MUC5B: variants seen among roughly 807,000 people sequenced by gnomAD.
MUC5B encodes the protein mucin-5B.
In MUC5B, 116 loss-of-function variants were observed where a neutral mutation model predicts 376.9. The observed-to-expected ratio is 0.31, with a 90% CI of 0.26 to 0.36. The LOEUF is 0.36. MUC5B is among the 10% of genes least tolerant of loss of function. The pLI is 1.00. For missense variants in MUC5B, 7,165 were observed against 7,769.9 expected, an observed-to-expected ratio of 0.92 and a Z score of 2.93; for synonymous variants, 3,517 against 3,390.9, an observed-to-expected ratio of 1.04 and a Z score of -1.29.
At chr11:1,230,390 A>G in intron 11 of MUC5B, 100 bp from the exon 12 acceptor site, 2 of 1,244,578 alleles carry the variant, frequency 1.6e-6, no homozygotes, top group Non-Finnish European at 2.2e-6. Flanking sequence ...CCACCTCCCC[A>G]CAGAGCCACA....
At chr11:1,240,828 C>A (rs1862263769) in intron 30 of MUC5B, 23 bp from the exon 31 acceptor site, 2 of 1,584,172 alleles carry the variant, frequency 1.3e-6, no homozygotes, top group East Asian at 4.5e-5. Context: ...TGAGCCAGGA[C>A]CCCTTTCCCA....
In MUC5B at chr11:1,247,505, C is replaced by T; in HGVS notation, c.10625C>T (p.Thr3542Ile). ...AGGGGCACCTCCAGGACCACAGCCA[C>T]AGCCACACCCAGCAAGACCCGCACC... Reference protein sequence around the residue: ...HTRGTSRTTATATPSKTRTST... With the variant: ...HTRGTSRTTAIATPSKTRTST... Residue 3542 changes from threonine to isoleucine, a missense_variant, in exon 31 of 49, where the codon ACA becomes ATA. Transcript: ENST00000529681. 7 of 1,608,612 alleles carry T rather than the reference C, an allele frequency of 4.4e-6. No individual in the cohort carries two copies. Among genetic ancestry groups the T allele is most frequent in the Non-Finnish European group, 5.9e-6 (7 of 1,177,758 alleles).
At position 1,235,581 on chromosome 11, in the gene MUC5B, A is replaced by T. The variant is rs1016061501; in HGVS notation, c.2880+168A>T. On this transcript the variant is annotated intron_variant, in intron 23 of 48. Coordinates refer to ENST00000529681, the MANE Select transcript of MUC5B (RefSeq NM_002458.3). ...CAGGGGGCTTAGACAACAGAAATGC[A>T]TTCTCAGTCCTGGAGCCGGAAGTCA... 50 of 638,096 alleles carry T rather than the reference A, an allele frequency of 7.8e-5. 2 individuals carry two copies. In the East Asian group the frequency reaches 1.1e-3, roughly 14 times the overall value. The allele number at this position is 638,096 out of a possible 1,614,324, so 39.5% of individuals were successfully genotyped here.
In MUC5B at chr11:1,254,254, C is replaced by T; in HGVS notation, c.15380C>T (p.Ala5127Val). The T allele has an allele frequency of 1.2e-6, 2 of 1,612,204 alleles. No homozygotes were observed. Among genetic ancestry groups the T allele is most frequent in the Non-Finnish European group, 1.7e-6 (2 of 1,179,842 alleles). Residue 5127 changes from alanine (A) to valine (V), a missense_variant, in exon 34 of 49, where the codon GCC becomes GTC. By Grantham distance (64) the Ala-to-Val change is moderately conservative. This residue lies in a region of MUC5B where 842 missense variants were observed against 1,016.9 expected (regional missense o/e 0.83). Transcript: ENST00000529681. The part of the protein sequence containing the change: ...DNHYCTASAT[A>V]AAARCPRALS... ...CACTACTGCACGGCCTCTGCCACTG[C>T]CGCTGCCGCCCGCTGCCCCCGCGCC...
rs1380729993 is a variant in MUC5B at position 1,242,918 on chromosome 11, C to A, written c.6038C>A (p.Thr2013Asn). The A allele has an allele frequency of 6.2e-7, 1 of 1,613,182 alleles. No individual in the cohort carries two copies. Among genetic ancestry groups the A allele is most frequent in the Non-Finnish European group, 8.5e-7 (1 of 1,179,340 alleles). Reference protein sequence around the residue: ...ATMSTATPSSTPETAHTSTVL... With the variant: ...ATMSTATPSSNPETAHTSTVL... Reference sequence around the variant, plus strand: ...ATGTCCACAGCCACACCCTCCTCCACTCCAGAGACTGCCCACACCTCCACA... The same window carrying A: ...ATGTCCACAGCCACACCCTCCTCCAATCCAGAGACTGCCCACACCTCCACA... The change falls in exon 31 of 49, where the codon ACT becomes AAT. Residue 2013 changes from threonine to asparagine, a missense_variant. By Grantham distance (65) the Thr-to-Asn change is moderately conservative (BLOSUM62 0). Coordinates refer to ENST00000529681, the MANE Select transcript of MUC5B (RefSeq NM_002458.3).
intron 1 of MUC5B, 63 bp downstream of exon 1, chr11:1,223,256 G>A (rs760720148): frequency 1.6e-4 from 111 of 701,002 alleles, no homozygotes; most frequent in South Asian, 1.2e-3. Context: ...TCTGCAGGTC[G>A]CTTGCCTGGG....
Position 1,226,663 on chromosome 11 carries a change from T to C in MUC5B, c.248T>C (p.Phe83Ser). 1 of 1,612,218 alleles carries C rather than the reference T, an allele frequency of 6.2e-7. No homozygotes were observed. The highest frequency in any genetic ancestry group is 8.5e-7 in the Non-Finnish European group (1 of 1,179,608). The change falls in exon 4 of 49, where the codon TTC (phenylalanine) becomes TCC (serine). Residue 83 changes from phenylalanine to serine, a missense_variant. This residue lies in a region of MUC5B where 640 missense variants were observed against 733.0 expected (regional missense o/e 0.87). Transcript: ENST00000529681. ...NGRVCSTWGD[F>S]HYKTFDGDVF... ...CGGGTGTGCAGCACCTGGGGTGACT[T>C]CCACTACAAGACCTTCGACGGCGAC...
intron 14 of MUC5B, 31 bp downstream of exon 14, chr11:1,231,591 G>C: frequency 6.5e-7 from 1 of 1,545,580 alleles, no homozygotes; most frequent in Non-Finnish European, 8.7e-7. Flanking sequence ...TCGGGGACAG[G>C]GCCATTGGGG....
In MUC5B at chr11:1,256,115, C is replaced by T. The variant is rs374792734; in HGVS notation, c.16067-41C>T. 2.5e-4 allele frequency: 175 copies of T among 713,590 alleles called. 1 individual carries two copies. The African/African-American group carries it at 2.7e-3, about 11-fold the overall frequency. 44.2% of individuals were successfully genotyped at this position (713,590 alleles called of 1,614,324 possible). On this transcript the variant is annotated intron_variant, in intron 37 of 48. Coordinates refer to ENST00000529681, the MANE Select transcript of MUC5B (RefSeq NM_002458.3). ...GTGATTGGGGGCGGCCCTGGGCCCCCCCAACCCCTTGGCTTGTCTGACACC... is the reference window on the plus strand; with the variant it reads ...GTGATTGGGGGCGGCCCTGGGCCCCTCCAACCCCTTGGCTTGTCTGACACC...
In MUC5B at chr11:1,250,027, T is replaced by C. The variant is rs772850697; in HGVS notation, c.13147T>C (p.Ser4383Pro). ...GGCCACCAGTTCCACGTCCACCCCC[T>C]CCTCCACTCCGGGGACGACCTGGAT... ...TRATSSTSTP[S>P]STPGTTWILT... Residue 4383 changes from serine (S) to proline (P), a missense_variant, in exon 31 of 49, where the codon TCC becomes CCC. Around this residue, in one of 31 missense-constraint regions of MUC5B, gnomAD observed 431 missense variants for 390.4 expected, o/e 1.10. Coordinates refer to ENST00000529681, the MANE Select transcript of MUC5B (RefSeq NM_002458.3). The C allele has an allele frequency of 1.9e-6, 3 of 1,611,212 alleles. No homozygotes were observed. The highest frequency in any genetic ancestry group is 1.4e-5 in the African/African-American group (1 of 74,028).
chr11:1,250,293 C>T lies in MUC5B; in HGVS notation c.13413C>T (p.Ser4471=). ...CCGGATCCACGGCCACCGCCTCCTC[C>T]ACCCAGGCAACTGCTGGCACCCCAC... ...VPTGSTATAS[S]TQATAGTPHV... Residue 4471 remains serine, a synonymous_variant, in exon 31 of 49, where the codon TCC becomes TCT. Coordinates refer to ENST00000529681, the MANE Select transcript of MUC5B (RefSeq NM_002458.3). 2 of 1,613,318 alleles carry T rather than the reference C, an allele frequency of 1.2e-6. No homozygotes were observed. The highest frequency in any genetic ancestry group is 1.3e-5 in the African/African-American group (1 of 74,918).
At position 1,251,215 on chromosome 11, in the gene MUC5B, C is replaced by G; in HGVS notation, c.14335C>G (p.His4779Asp). Residue 4779 changes from histidine to aspartate, a missense_variant, in exon 31 of 49, where the codon CAC becomes GAC. His to Asp is a moderately conservative substitution (Grantham distance 81). Coordinates refer to ENST00000529681, the MANE Select transcript of MUC5B (RefSeq NM_002458.3). ...ACCCATGTCCACCATGTCCACAATC[C>G]ACACCTCCTCTACTCCAGAGACCAC... ...TTPMSTMSTI[H>D]TSSTPETTHT... is the part of the protein sequence containing the mutation. 1 of 1,610,902 alleles carries G rather than the reference C, an allele frequency of 6.2e-7. No individual in the cohort carries two copies. The highest frequency in any genetic ancestry group is 1.1e-5 in the South Asian group (1 of 91,014).
rs1009226981 is a variant in MUC5B at position 1,241,831 on chromosome 11, C to T, written c.4951C>T (p.Pro1651Ser). The change falls in exon 31 of 49, where the codon CCC becomes TCC. Residue 1651 changes from proline to serine, a missense_variant. Physicochemically the swap from Pro to Ser is moderately conservative, Grantham distance 74 (BLOSUM62 -1). Coordinates refer to ENST00000529681, the MANE Select transcript of MUC5B (RefSeq NM_002458.3). ...TCCCCCGGCCAGCACCACAGCAGTC[C>T]CCACCCTCTCAGAAGGACTGACATC... ...RAPPASTTAV[P>S]TLSEGLTSPR... 5 of 1,613,332 alleles carry T rather than the reference C, an allele frequency of 3.1e-6. No homozygotes were observed. In the South Asian group the frequency reaches 5.5e-5, roughly 18 times the overall value.
At chr11:1,229,566 C>G in intron 9 of MUC5B, 124 bp from the exon 10 acceptor site, 1 of 901,168 alleles carries the variant, frequency 1.1e-6, no homozygotes, top group South Asian at 1.6e-5. Context: ...CAGCTCAGGG[C>G]GGGGGCGGTG....
In MUC5B at chr11:1,251,707, T is replaced by A. The variant is rs1862706159; in HGVS notation, c.14827T>A (p.Cys4943Ser). The part of the protein sequence containing the change: ...GFPSSHFSTP[C>S]FCRAFGQFFS... The stretch of plus-strand genomic sequence containing the variant: ...CCCCAGCTCCCACTTCTCTACTCCC[T>A]GCTTCTGCAGGGCATTTGGACAGTT... The change falls in exon 31 of 49, where the codon TGC becomes AGC. Residue 4943 changes from cysteine (C) to serine (S), a missense_variant. Physicochemically the swap from Cys to Ser is moderately radical, Grantham distance 112. Transcript: ENST00000529681. 1 of 1,610,342 alleles carries A rather than the reference T, an allele frequency of 6.2e-7. No individual in the cohort carries two copies. The highest frequency in any genetic ancestry group is 8.5e-7 in the Non-Finnish European group (1 of 1,178,212).
rs376594483 is a variant in MUC5B, at chr11:1,246,397, G to A, written c.9517G>A (p.Val3173Met). 1.9e-4 allele frequency: 304 copies of A among 1,613,080 alleles called. 2 individuals are homozygous for A. In the East Asian group the frequency reaches 2.8e-3, roughly 15 times the overall value. Residue 3173 changes from valine (V) to methionine (M), a missense_variant, in exon 31 of 49, where the codon GTG becomes ATG. Physicochemically the swap from Val to Met is conservative, Grantham distance 21. Coordinates refer to ENST00000529681, the MANE Select transcript of MUC5B (RefSeq NM_002458.3). ...ILTEPSTTAT[V>M]TVPTGSTATA... Reference sequence around the variant, plus strand: ...CACAGAGCCCAGCACTACAGCCACCGTGACGGTGCCCACCGGATCCACGGC... The same window carrying A: ...CACAGAGCCCAGCACTACAGCCACCATGACGGTGCCCACCGGATCCACGGC...
chr11:1,229,651 C>A, intron 9 of MUC5B, 39 bp from the exon 10 acceptor site: 1 of 1,501,332 alleles, frequency 6.7e-7, no homozygotes, highest in Non-Finnish European at 9.0e-7. Context: ...TGGTGTCCCC[C>A]GTGCATGGGC....
chr11:1,241,411 G>A lies in MUC5B; in HGVS notation c.4531G>A (p.Glu1511Lys). ...CTGCCAGCCCCGGTGTCAGTGGACA[G>A]AGTGGTTTGATGAGGACTACCCCAA... ...TTCQPRCQWT[E>K]WFDEDYPKSE... is the part of the protein sequence containing the mutation. Residue 1511 changes from glutamate (E) to lysine (K), a missense_variant, in exon 31 of 49, where the codon GAG (glutamate) becomes AAG (lysine). Transcript: ENST00000529681. 6.2e-7 allele frequency: 1 copy of A among 1,613,572 alleles called. No individual in the cohort carries two copies. The highest frequency in any genetic ancestry group is 2.2e-5 in the East Asian group (1 of 44,844).
rs745901770 is a variant in MUC5B at position 1,251,094 on chromosome 11, G to C, written c.14214G>C (p.Leu4738=). 6.2e-7 allele frequency: 1 copy of C among 1,610,958 alleles called. No homozygotes were observed. Among genetic ancestry groups the C allele is most frequent in the South Asian group, 1.1e-5 (1 of 91,034 alleles). Reference sequence around the variant, plus strand: ...GGACTGCAACCACCCTTCCAGTGCTGACAAGCACAGCCACAAAATCCACAG... The same window carrying C: ...GGACTGCAACCACCCTTCCAGTGCTCACAAGCACAGCCACAAAATCCACAG... ...SPRTATTLPV[L]TSTATKSTAT... is the part of the protein sequence containing the mutation. The change falls in exon 31 of 49, where the codon CTG becomes CTC. Residue 4738 remains leucine (L), a synonymous_variant. Transcript: ENST00000529681.
Sources: gnomAD v4.1 joint callset for allele counts on GRCh38, gnomAD v4.1.1 for gene constraint, gnomAD v4.1.1 regional missense constraint, MANE v1.5 for transcripts, NCBI Gene and HGNC (gene_info 2026-07-23, HGNC 2026-07-21) for gene names.